The following ZMYM6 variants were observed in gnomAD, a reference collection of about 807,000 sequenced individuals.
The protein encoded by ZMYM6 is zinc finger MYM-type protein 6.
Under a neutral mutation model 134.0 loss-of-function variants are expected in ZMYM6, and 90 were observed. The ratio of observed to expected loss-of-function variants is 0.67; its 90% CI spans 0.57 to 0.80. The LOEUF (loss-of-function observed/expected upper bound fraction) is 0.80, where lower values mean the gene tolerates loss of function less well. ZMYM6 is among the 30% of genes least tolerant of loss of function. The pLI, the probability that ZMYM6 is intolerant of heterozygous loss-of-function variation, is 0.00. For missense variants in ZMYM6, 1,362 were observed against 1,533.9 expected (o/e 0.89, Z 1.87); for synonymous variants, 481 against 524.1 (o/e 0.92, Z 1.12).
At position 35,012,414 on chromosome 1, in the gene ZMYM6, T is replaced by C. The variant is rs758804226; in HGVS notation, c.946+17A>G. ...AATAGTTATTAAATCTATAAATTTA[T>C]CAAATTTAAACATTACCTGAAGAAG... is the stretch of plus-strand genomic sequence containing the variant. On this transcript the variant is annotated intron_variant, in intron 7 of 15. Coordinates refer to ENST00000357182, the MANE Select transcript of ZMYM6 (RefSeq NM_007167.4). 1 of 1,472,312 alleles carries C rather than the reference T, an allele frequency of 6.8e-7. No individual in the cohort carries two copies. Among genetic ancestry groups the C allele is most frequent in the East Asian group, 2.5e-5 (1 of 40,514 alleles). 91.2% of individuals were successfully genotyped at this position (1,472,312 alleles called of 1,614,324 possible). A position where few individuals can be genotyped will look rare whatever the true frequency, so the allele number is the denominator to read the frequency against.
intron 2 of ZMYM6, among the ~76,000 whole-genome samples, chr1:35,028,508 AT>A (rs971926952): frequency 1.3e-5 from 2 of 150,236 alleles, no homozygotes; most frequent in Non-Finnish European, 3.0e-5. Context: ...ATTTTATTTT[AT>A]TTTTTTTTGA....
At chr1:35,020,710 CT>C (rs1641294734) in intron 2 of ZMYM6, among the ~76,000 whole-genome samples, 1 of 151,472 alleles carries the variant, frequency 6.6e-6, no homozygotes, top group Non-Finnish European at 1.5e-5. Context: ...GTAGCTGGGA[CT>C]ACAGGTATGT....
At chr1:34,989,267 G>A (rs1374043210) in intron 15 of ZMYM6, 1 of 1,037,466 alleles carries the variant, frequency 9.6e-7, no homozygotes, top group Non-Finnish European at 1.2e-6. Context: ...GCTGAGCAGG[G>A]TGGCTCACAC....
chr1:35,010,442 T>C lies in ZMYM6; in HGVS notation c.1492+5A>G. ...GCTCTGTGAATAAAACAACTTTGTC[T>C]TTACCTTCACTACAGAATGGCTTAT... is the stretch of plus-strand genomic sequence containing the variant. On this transcript the variant is annotated splice_donor_5th_base_variant and intron_variant, in intron 10 of 15. Transcript: ENST00000357182. 1 of 1,603,512 alleles carries C rather than the reference T, an allele frequency of 6.2e-7. No individual in the cohort carries two copies. Among genetic ancestry groups the C allele is most frequent in the Non-Finnish European group, 8.5e-7 (1 of 1,177,430 alleles).
chr1:35,015,500 C>A (rs1324048567), intron 4 of ZMYM6, among the ~76,000 whole-genome samples: 1 of 151,452 alleles, frequency 6.6e-6, no homozygotes, highest in South Asian at 2.1e-4. Context: ...CCGAGGTGGG[C>A]GGATCATGAG....
In ZMYM6 at chr1:35,005,225, T is replaced by G; in HGVS notation, c.1861A>C (p.Arg621=). Residue 621 remains arginine (R), a synonymous_variant, in exon 13 of 16, where the codon AGG becomes CGG. Coordinates refer to ENST00000357182, the MANE Select transcript of ZMYM6 (RefSeq NM_007167.4). Reference sequence around the variant, plus strand: ...GTTATAACTGGTGTTGTATCTGTCCTTGCAGAAGGGAGCTCCGTCACAGCA... The same window carrying G: ...GTTATAACTGGTGTTGTATCTGTCCGTGCAGAAGGGAGCTCCGTCACAGCA... ...KTAVTELPSA[R]TDTTPVITSV... The G allele has an allele frequency of 6.2e-7, 1 of 1,614,168 alleles. No individual in the cohort carries two copies. Among genetic ancestry groups the G allele is most frequent in the Non-Finnish European group, 8.5e-7 (1 of 1,180,016 alleles).
At chr1:35,026,144 C>T (rs1641410006) in intron 2 of ZMYM6, among the ~76,000 whole-genome samples, 1 of 152,082 alleles carries the variant, frequency 6.6e-6, no homozygotes, top group South Asian at 2.1e-4. Flanking sequence ...CCTCAGCCTC[C>T]TGAGTAGCTG....
In ZMYM6 at chr1:35,015,174, T is replaced by C. The variant is rs781152063; in HGVS notation, c.429-12A>G. Reference sequence around the variant, plus strand: ...GATTTAAAATGTCTCTAAAAATAAATAACAAAGGTAAAAATGAAATGTATT... The same window carrying C: ...GATTTAAAATGTCTCTAAAAATAAACAACAAAGGTAAAAATGAAATGTATT... On this transcript the variant is annotated splice_polypyrimidine_tract_variant and intron_variant, in intron 4 of 15. Transcript: ENST00000357182. 14 of 1,572,212 alleles carry C rather than the reference T, an allele frequency of 8.9e-6. No homozygotes were observed. The highest frequency in any genetic ancestry group is 1.2e-5 in the Non-Finnish European group (14 of 1,163,934).
rs1641535309 is a variant in ZMYM6 at position 35,031,899 on chromosome 1, G to A, written c.-159C>T. On this transcript the variant is annotated 5_prime_UTR_variant, in exon 1 of 16. Coordinates refer to ENST00000357182, the MANE Select transcript of ZMYM6 (RefSeq NM_007167.4). ...TAGACAGGGATTATTTTCTCTTCTG[G>A]AATTCCGCCTGATCCATCCCAACGC... is the stretch of plus-strand genomic sequence containing the variant. The A allele has an allele frequency of 6.6e-6, 1 of 152,310 alleles. No homozygotes were observed. Among genetic ancestry groups the A allele is most frequent in the Non-Finnish European group, 1.5e-5 (1 of 68,138 alleles). 9.4% of individuals were successfully genotyped at this position (152,310 alleles called of 1,614,324 possible). A position where few individuals can be genotyped will look rare whatever the true frequency, so the allele number is the denominator to read the frequency against.
intron 12 of ZMYM6, among the ~76,000 whole-genome samples, chr1:35,006,090 C>G (rs949704462): frequency 6.6e-6 from 1 of 152,202 alleles, no homozygotes; most frequent in African/African-American, 2.4e-5. Context: ...TCACTGTAAC[C>G]TCCATCTCTT....
chr1:35,030,475 T>C, intron 2 of ZMYM6, 72 bp downstream of exon 2: 2 of 1,473,284 alleles, frequency 1.4e-6, no homozygotes, highest in South Asian at 2.4e-5. Flanking sequence ...GCCGTTTAAC[T>C]AAAATTTTTC....
At chr1:35,019,152 A>C (rs950705115) in intron 4 of ZMYM6, 1 of 690,812 alleles carries the variant, frequency 1.4e-6, no homozygotes, top group Admixed American at 3.2e-5. Context: ...GTGATAGAAA[A>C]CTGGTTTAGG....
At chr1:35,001,311 T>C (rs1640877440) in intron 14 of ZMYM6, among the ~76,000 whole-genome samples, 1 of 151,756 alleles carries the variant, frequency 6.6e-6, no homozygotes, top group African/African-American at 2.4e-5. Flanking sequence ...CACTACATTA[T>C]TTATTATACT....
rs767979089 is a variant in ZMYM6 at position 35,020,448 on chromosome 1, T to C, written c.113A>G (p.Gln38Arg). ...DNAQEYGCVQQPKTQESKLKI... is the reference protein window; with the variant it reads ...DNAQEYGCVQRPKTQESKLKI... ...CAATTTACTTTCTTGAGTTTTTGGC[T>C]GTTGGACACATCCATACTCCTTTAA... The change falls in exon 3 of 16, where the codon CAG becomes CGG. Residue 38 changes from glutamine (Q) to arginine (R), a missense_variant. By Grantham distance (43) the Gln-to-Arg change is conservative (BLOSUM62 1). Coordinates refer to ENST00000357182, the MANE Select transcript of ZMYM6 (RefSeq NM_007167.4). 7.0e-5 allele frequency: 113 copies of C among 1,610,468 alleles called. No homozygotes were observed. Among genetic ancestry groups the C allele is most frequent in the Non-Finnish European group, 9.4e-5 (111 of 1,179,446 alleles).
At chr1:35,021,935 GT>G (rs1641319808) in intron 2 of ZMYM6, among the ~76,000 whole-genome samples, 1 of 152,066 alleles carries the variant, frequency 6.6e-6, no homozygotes, top group East Asian at 1.9e-4. Context: ...AAAACAGGAA[GT>G]TTTTTAAAAA....
intron 1 of ZMYM6, chr1:35,031,266 CCT>C (rs1641518547): frequency 6.6e-6 from 1 of 152,260 alleles, no homozygotes; most frequent in Admixed American, 6.5e-5. Context: ...GAGTCACCTG[CCT>C]CTTTCAAGGT....
Position 34,987,397 on chromosome 1 carries a change from C to A in ZMYM6, c.3685G>T (p.Asp1229Tyr), listed in dbSNP as rs1207947073. 2 of 1,613,852 alleles carry A rather than the reference C, an allele frequency of 1.2e-6. No individual in the cohort carries two copies. Among genetic ancestry groups the A allele is most frequent in the South Asian group, 1.1e-5 (1 of 91,026 alleles). Residue 1229 changes from aspartate (D) to tyrosine (Y), a missense_variant, in exon 16 of 16, where the codon GAC (aspartate) becomes TAC (tyrosine). Transcript: ENST00000357182. ...FMNHQNNNLT[D>Y]FEEEKLTELS... ...TCTGTTAGCTTTTCTTCTTCGAAGT[C>A]GGTGAGATTATTATTTTGGTGATTC...
chr1:35,002,209 C>T (rs1483267382), intron 14 of ZMYM6, among the ~76,000 whole-genome samples: 1 of 152,232 alleles, frequency 6.6e-6, no homozygotes, highest in Non-Finnish European at 1.5e-5. Flanking sequence ...TCAATATCCT[C>T]TTCAGGAACT....
Position 34,987,791 on chromosome 1 carries a change from A to G in ZMYM6, c.3291T>C (p.His1097=). The change falls in exon 16 of 16, where the codon CAT becomes CAC. Residue 1097 remains histidine, a synonymous_variant. Transcript: ENST00000357182. ...CATGAAAATACTTGGCCAAATCTGA[A>G]TGCTTTTGACTTAAAAATATTTCAA... The part of the protein sequence containing the change: ...HEIEIFLSQK[H]SDLAKYFHDE... 1 of 1,551,450 alleles carries G rather than the reference A, an allele frequency of 6.4e-7. No individual in the cohort carries two copies. Among genetic ancestry groups the G allele is most frequent in the Non-Finnish European group, 8.7e-7 (1 of 1,146,928 alleles).
Sources: allele counts gnomAD v4.1 joint callset (sites outside exome capture counted in the v4.1 genomes callset), GRCh38; gene constraint gnomAD v4.1.1; transcripts MANE v1.5; gene names NCBI Gene and HGNC (gene_info 2026-07-23, HGNC 2026-07-21).